Variants in TMEM245 observed in about 807,000 individuals in gnomAD.
TMEM245 encodes the protein protein CG-2.
A neutral mutation model predicts 101.2 loss-of-function variants in TMEM245; 69 were observed. That is an observed-to-expected ratio of 0.68 (90% CI 0.56 to 0.83). TMEM245 has a LOEUF of 0.83. Ranked by LOEUF, TMEM245 falls within the 40% of genes least tolerant of loss-of-function variation. The pLI is 0.00. For synonymous variants in TMEM245, 537 were observed against 449.8 expected, an observed-to-expected ratio of 1.19 and a Z score of -2.45; for missense variants, 1,075 against 1,092.8, an observed-to-expected ratio of 0.98 and a Z score of 0.23.
chr9:109,109,367 A>G (rs1830509858), intron 1 of TMEM245, among the ~76,000 whole-genome samples: 1 of 151,954 alleles, frequency 6.6e-6, no homozygotes, highest in Non-Finnish European at 1.5e-5. Flanking sequence ...TCCAGAACAC[A>G]TCTGAGCACA....
intron 17 of TMEM245, among the ~76,000 whole-genome samples, chr9:109,028,214 C>G (rs958950745): frequency 1.3e-5 from 2 of 151,778 alleles, no homozygotes; most frequent in African/African-American, 2.4e-5. Context: ...CTTTGGGAGG[C>G]TGAGGAGGGC....
At chr9:109,065,499 A>C (rs1829142586) in intron 9 of TMEM245, among the ~76,000 whole-genome samples, 1 of 152,170 alleles carries the variant, frequency 6.6e-6, no homozygotes, top group Admixed American at 6.5e-5. Context: ...TTGGTTATCT[A>C]CTGAAGATCT....
rs763557448 is a variant in TMEM245, at chr9:109,119,869, G to C, written c.45C>G (p.Ser15Arg). ...GGACCCGCGGCGCCGGCCCGGGAGA[G>C]CTCCGCAGGCTTGGCGCGTCCTTAG... ...GGPKDAPSLR[S>R]SPGPAPRVPR... is the part of the protein sequence containing the mutation. Residue 15 changes from serine to arginine, a missense_variant, in exon 1 of 18, where the codon AGC becomes AGG. Physicochemically the swap from Ser to Arg is moderately radical, Grantham distance 110. Transcript: ENST00000374586. 21 of 1,315,402 alleles carry C rather than the reference G, an allele frequency of 1.6e-5. No homozygotes were observed. The highest frequency in any genetic ancestry group is 4.2e-5 in the Admixed American group (1 of 24,076). 81.5% of individuals were successfully genotyped at this position (1,315,402 alleles called of 1,614,324 possible). A position where few individuals can be genotyped will look rare whatever the true frequency, so the allele number is the denominator to read the frequency against.
chr9:109,066,516 G>A (rs1436789850), intron 9 of TMEM245, among the ~76,000 whole-genome samples: 1 of 139,208 alleles, frequency 7.2e-6, no homozygotes, highest in African/African-American at 2.8e-5. Context: ...AACGTTTAGA[G>A]ACACAAATAT....
At chr9:109,108,342 T>A in intron 2 of TMEM245, 111 bp downstream of exon 2, 1 of 460,282 alleles carries the variant, frequency 2.2e-6, no homozygotes, top group Non-Finnish European at 3.8e-6. Flanking sequence ...AGATTAAGAA[T>A]GTTAAATGCA....
intron 14 of TMEM245, among the ~76,000 whole-genome samples, chr9:109,043,592 C>A (rs2132354849): frequency 1.1e-5 from 1 of 93,226 alleles, no homozygotes; most frequent in South Asian, 5.1e-4. Context: ...TCCTAGCACT[C>A]AATAGTTGAT....
intron 14 of TMEM245, chr9:109,042,438 T>A (rs1389619875): frequency 6.6e-6 from 1 of 152,406 alleles, no homozygotes; most frequent in African/African-American, 2.4e-5. Context: ...GAGCAATCTG[T>A]AACTGGTTGT....
At chr9:109,051,295 AACACACACACACACACACAC>A (rs67093439) in intron 12 of TMEM245, among the ~76,000 whole-genome samples, 4 of 135,150 alleles carry the variant, frequency 3.0e-5, no homozygotes, top group Non-Finnish European at 6.2e-5. Flanking sequence ...TCTGTCTCAA[AACACACACACACACACACAC>A]ACACACACAC....
chr9:109,049,974 T>C (rs549390129), intron 14 of TMEM245, among the ~76,000 whole-genome samples: 179 of 152,304 alleles, frequency 1.2e-3, no homozygotes, highest in Non-Finnish European at 2.2e-3. Flanking sequence ...AATTTTTTTA[T>C]AGAGACAGGG....
chr9:109,061,729 C>G (rs1382823089), intron 10 of TMEM245, among the ~76,000 whole-genome samples: 1 of 151,976 alleles, frequency 6.6e-6, no homozygotes, highest in African/African-American at 2.4e-5. Context: ...CCCCCACACC[C>G]AGTTAATTTT....
chr9:109,080,004 C>T (rs1054741023), intron 8 of TMEM245, among the ~76,000 whole-genome samples: 8 of 151,974 alleles, frequency 5.3e-5, no homozygotes, highest in African/African-American at 1.9e-4. Flanking sequence ...TGTACTGAAG[C>T]TGAGACTAAG....
chr9:109,060,370 T>C lies in TMEM245; in HGVS notation c.1706A>G (p.His569Arg), dbSNP rs1828973324. The C allele has an allele frequency of 6.2e-7, 1 of 1,612,280 alleles. No homozygotes were observed. Among genetic ancestry groups the C allele is most frequent in the Non-Finnish European group, 8.5e-7 (1 of 1,179,210 alleles). ...ATAACTTACCTTTACAAACCAAGAG[T>C]GATACAGTCTGTCCCAAAGTTCTAG... is the stretch of plus-strand genomic sequence containing the variant. ...QVLELWDRLY[H>R]SWFVKNVTHS... Residue 569 changes from histidine to arginine, a missense_variant, in exon 11 of 18, where the codon CAC becomes CGC. His to Arg is a conservative substitution (Grantham distance 29). Around this residue, in one of 2 missense-constraint regions of TMEM245, gnomAD observed 808 missense variants for 741.5 expected, o/e 1.09. Transcript: ENST00000374586.
rs141195017 is a variant in TMEM245 at position 109,040,604 on chromosome 9, T to G, written c.2124-2487A>C. 7.2e-5 allele frequency among the ~76,000 whole-genome samples: 11 copies of G among 152,332 alleles called. No individual in the cohort carries two copies. In the East Asian group the frequency reaches 2.1e-3, roughly 29 times the overall value. ...CAACCATACATTATATAGCTTTGTA[T>G]TAAATTGTGGCAAAATATCCATGGC... On this transcript the variant is annotated intron_variant, in intron 14 of 17. Coordinates refer to ENST00000374586, the MANE Select transcript of TMEM245 (RefSeq NM_032012.4).
intron 10 of TMEM245, among the ~76,000 whole-genome samples, chr9:109,064,134 A>G (rs1829095168): frequency 6.6e-6 from 1 of 152,252 alleles, no homozygotes; most frequent in African/African-American, 2.4e-5. Context: ...GGAAACTGCC[A>G]AAGACAGTTA....
At chr9:109,073,141 C>T (rs1217667487) in intron 9 of TMEM245, 3 of 531,782 alleles carry the variant, frequency 5.6e-6, no homozygotes, top group Admixed American at 3.2e-5. Flanking sequence ...AACAAAGTAT[C>T]ATTTACCATG....
intron 11 of TMEM245, among the ~76,000 whole-genome samples, chr9:109,059,919 T>G (rs185764144): frequency 4.9e-4 from 75 of 151,622 alleles, no homozygotes; most frequent in African/African-American, 1.7e-3. Flanking sequence ...GGAAAAAAAA[T>G]GATATAAAAT....
chr9:109,069,151 C>T (rs1829257106), intron 9 of TMEM245, among the ~76,000 whole-genome samples: 2 of 152,180 alleles, frequency 1.3e-5, no homozygotes, highest in South Asian at 2.1e-4. Context: ...AAATTTCAAA[C>T]AAAAGACAAA....
chr9:109,057,083 T>C (rs1411946776), intron 12 of TMEM245, 108 bp downstream of exon 12: 1 of 1,210,028 alleles, frequency 8.3e-7, no homozygotes, highest in East Asian at 2.5e-5. Flanking sequence ...GTAAATGTCA[T>C]GATGTTAAAA....
chr9:109,100,824 T>A (rs894525200), intron 3 of TMEM245, among the ~76,000 whole-genome samples: 6 of 152,224 alleles, frequency 3.9e-5, no homozygotes, highest in African/African-American at 1.2e-4. Context: ...ATAGCACATT[T>A]AAAAGCACTT....
Sources: allele counts gnomAD v4.1 joint callset (sites outside exome capture counted in the v4.1 genomes callset), GRCh38; gene constraint gnomAD v4.1.1; regional missense constraint gnomAD v4.1.1; transcripts MANE v1.5; gene names NCBI Gene and HGNC (gene_info 2026-07-23, HGNC 2026-07-21).